PCDHGB3: variants seen among roughly 807,000 people sequenced by gnomAD.
PCDHGB3 encodes protocadherin gamma subfamily B, 3, also known as protocadherin gamma-B3.
A neutral mutation model predicts 59.2 loss-of-function variants in PCDHGB3; 40 were observed. That is an observed-to-expected ratio of 0.68 (90% CI 0.52 to 0.88). The LOEUF (loss-of-function observed/expected upper bound fraction) is 0.88, where lower values mean the gene tolerates loss of function less well. Ranked by LOEUF, PCDHGB3 falls within the 40% of genes least tolerant of loss-of-function variation. The pLI is 0.00. For synonymous variants in PCDHGB3, 581 were observed against 503.6 expected, an observed-to-expected ratio of 1.15 and a Z score of -2.06; for missense variants, 1,309 against 1,187.9, an observed-to-expected ratio of 1.10 and a Z score of -1.50.
chr5:141,506,228 A>T (rs538354130), intron 3 of PCDHGB3, among the ~76,000 whole-genome samples: 1 of 152,266 alleles, frequency 6.6e-6, no homozygotes, highest in East Asian at 1.9e-4. Context: ...AGGCAGGAGG[A>T]TCATGAGGTC....
intron 3 of PCDHGB3, among the ~76,000 whole-genome samples, chr5:141,506,454 A>G (rs2099853946): frequency 6.6e-6 from 1 of 151,844 alleles, no homozygotes; most frequent in African/African-American, 2.4e-5. Context: ...CAAAAAAAAA[A>G]AAAAAAAAAA....
chr5:141,421,219 G>C (rs894586889), intron 1 of PCDHGB3: 1 of 1,573,208 alleles, frequency 6.4e-7, no homozygotes. Context: ...TATCGGCTTA[G>C]AGCCTGCCAT....
intron 1 of PCDHGB3, chr5:141,441,038 G>A (rs1263659082): frequency 6.6e-6 from 1 of 152,156 alleles, no homozygotes; most frequent in African/African-American, 2.4e-5. Context: ...AAAACTTTAA[G>A]TACATTGGAC....
chr5:141,469,868 C>T (rs749624047), intron 1 of PCDHGB3, among the ~76,000 whole-genome samples: 6 of 152,228 alleles, frequency 3.9e-5, no homozygotes, highest in Non-Finnish European at 7.3e-5. Flanking sequence ...CAATGGCTCA[C>T]GCCTGTAATC....
chr5:141,419,613 G>T (rs369914837), intron 1 of PCDHGB3: 144 of 1,612,020 alleles, frequency 8.9e-5, no homozygotes, highest in Admixed American at 1.5e-4. Context: ...GCGCAGCCAG[G>T]CTACCTGGTG....
intron 1 of PCDHGB3, among the ~76,000 whole-genome samples, chr5:141,446,153 AT>A (rs1158236808): frequency 1.3e-5 from 2 of 152,362 alleles, no homozygotes; most frequent in East Asian, 3.9e-4. Flanking sequence ...TAGGTGGAAT[AT>A]AAATTTCATG....
Position 141,432,856 on chromosome 5 carries a change from G to A in PCDHGB3, c.2415+60047G>A, listed in dbSNP as rs773243805. 8.7e-6 allele frequency: 14 copies of A among 1,614,024 alleles called. No homozygotes were observed. The highest frequency in any genetic ancestry group is 1.3e-5 in the African/African-American group (1 of 74,908). ...TGTACCTGGTGGTAGCGGTGGCCGC[G>A]GTCTCCTGCGTCTTCCTGGCCTTCG... On this transcript the variant is annotated intron_variant, in intron 1 of 3. Coordinates refer to ENST00000576222, the MANE Select transcript of PCDHGB3 (RefSeq NM_018924.5). The surrounding 1 kb of genome is among the most constrained non-coding windows in gnomAD (Gnocchi z 6.0).
In PCDHGB3 at chr5:141,371,313, C is replaced by A; in HGVS notation, c.919C>A (p.Leu307Met). 2 of 1,613,964 alleles carry A rather than the reference C, an allele frequency of 1.2e-6. No homozygotes were observed. The highest frequency in any genetic ancestry group is 1.1e-5 in the South Asian group (1 of 91,084). Residue 307 changes from leucine to methionine, a missense_variant, in exon 1 of 4, where the codon CTG (leucine) becomes ATG (methionine). Coordinates refer to ENST00000576222, the MANE Select transcript of PCDHGB3 (RefSeq NM_018924.5). ...GGGGGAACTCACCACTATTGGAGAA[C>A]TGGACTTTGAAGAGAGAGATAGCTA... is the stretch of plus-strand genomic sequence containing the variant. ...KTGELTTIGELDFEERDSYTI... is the reference protein window; with the variant it reads ...KTGELTTIGEMDFEERDSYTI...
intron 1 of PCDHGB3, chr5:141,424,561 T>C (rs972361161): frequency 7.9e-5 from 12 of 152,236 alleles, no homozygotes; most frequent in African/African-American, 2.9e-4. Flanking sequence ...TCAGTGCTTC[T>C]CAAAAACCTA....
Position 141,481,770 on chromosome 5 carries a change from G to T in PCDHGB3, c.2416-13037G>T, listed in dbSNP as rs188953511. 6.1e-3 allele frequency among the ~76,000 whole-genome samples: 929 copies of T among 152,184 alleles called. 10 individuals are homozygous for T. Among genetic ancestry groups the T allele is most frequent in the African/African-American group, 0.022 (895 of 41,516 alleles). On this transcript the variant is annotated intron_variant, in intron 1 of 3. Coordinates refer to ENST00000576222, the MANE Select transcript of PCDHGB3 (RefSeq NM_018924.5). ...AGTCCAAGACCAGCCTGGCCAACAT[G>T]GTGAAACCCCGTCTCTACTAAAAAT... is the stretch of plus-strand genomic sequence containing the variant.
Position 141,385,179 on chromosome 5 carries a change from C to T in PCDHGB3, c.2415+12370C>T, listed in dbSNP as rs1270655942. The T allele has an allele frequency of 7.4e-6, 12 of 1,614,194 alleles. No homozygotes were observed. In the South Asian group the frequency reaches 1.2e-4, roughly 16 times the overall value. On this transcript the variant is annotated intron_variant, in intron 1 of 3. Transcript: ENST00000576222. ...CCTATTCCCATGAGGTCTCCCTCAC[C>T]GCGGACTCTCGGAAGAGTCACCTGA...
At chr5:141,458,730 C>T (rs1239174331) in intron 1 of PCDHGB3, among the ~76,000 whole-genome samples, 1 of 151,928 alleles carries the variant, frequency 6.6e-6, no homozygotes, top group Non-Finnish European at 1.5e-5. Flanking sequence ...CCACCACATC[C>T]AGCTATTGGT....
At chr5:141,415,937 C>T (rs939831077) in intron 1 of PCDHGB3, 8 of 587,822 alleles carry the variant, frequency 1.4e-5, no homozygotes, top group Non-Finnish European at 2.0e-5. Context: ...TATATTTCCT[C>T]CTGGGTGGTC....
At chr5:141,502,274 A>G (rs573517581) in intron 2 of PCDHGB3, among the ~76,000 whole-genome samples, 18 of 152,128 alleles carry the variant, frequency 1.2e-4, no homozygotes, top group African/African-American at 4.1e-4. Context: ...ATCAAGGAGC[A>G]TAGATTGCAT....
intron 1 of PCDHGB3, chr5:141,409,995 C>T: frequency 1.2e-6 from 2 of 1,613,308 alleles, no homozygotes; most frequent in Non-Finnish European, 1.7e-6. Context: ...GACGCCGACT[C>T]GGGACACAAC....
chr5:141,431,222 C>T lies in PCDHGB3; in HGVS notation c.2415+58413C>T. On this transcript the variant is annotated intron_variant, in intron 1 of 3. Transcript: ENST00000576222. The surrounding 1 kb of genome is among the most constrained non-coding windows in gnomAD (Gnocchi z 4.8). ...AGCCACTGAGATGCGGTTCCCTCTA[C>T]CCCACGCCTGGGATCCGGATATCGG... The T allele has an allele frequency of 6.2e-7, 1 of 1,614,170 alleles. No individual in the cohort carries two copies. Among genetic ancestry groups the T allele is most frequent in the South Asian group, 1.1e-5 (1 of 91,090 alleles).
chr5:141,385,360 T>C, intron 1 of PCDHGB3: 1 of 1,545,774 alleles, frequency 6.5e-7, no homozygotes, highest in South Asian at 1.3e-5. Context: ...ATGAGGAATT[T>C]ATTTGCATGA....
In PCDHGB3 at chr5:141,372,478, C is replaced by T. The variant is rs548499010; in HGVS notation, c.2084C>T (p.Ala695Val). 6.2e-7 allele frequency: 1 copy of T among 1,614,068 alleles called. No homozygotes were observed. The highest frequency in any genetic ancestry group is 1.1e-5 in the South Asian group (1 of 91,092). ...QAELQFHLVV[A>V]LALISVLFLL... is the part of the protein sequence containing the mutation. Reference sequence around the variant, plus strand: ...GAGCTACAGTTTCACCTAGTAGTGGCGTTGGCCTTGATCTCAGTGCTCTTC... The same window carrying T: ...GAGCTACAGTTTCACCTAGTAGTGGTGTTGGCCTTGATCTCAGTGCTCTTC... The change falls in exon 1 of 4, where the codon GCG (alanine) becomes GTG (valine). Residue 695 changes from alanine (A) to valine (V), a missense_variant. By Grantham distance (64) the Ala-to-Val change is moderately conservative (BLOSUM62 0). Coordinates refer to ENST00000576222, the MANE Select transcript of PCDHGB3 (RefSeq NM_018924.5).
intron 1 of PCDHGB3, chr5:141,427,831 G>T: frequency 7.1e-6 from 11 of 1,539,366 alleles, no homozygotes; most frequent in Non-Finnish European, 9.8e-6. Context: ...GTCGCGCAGC[G>T]TGCCTTCGAC....
Sources: allele counts gnomAD v4.1 joint callset (sites outside exome capture counted in the v4.1 genomes callset), GRCh38; gene constraint gnomAD v4.1.1; non-coding constraint Gnocchi (gnomAD v3.1); transcripts MANE v1.5; gene names NCBI Gene and HGNC (gene_info 2026-07-23, HGNC 2026-07-21).